The following PCDH9 variants were observed in gnomAD, a reference collection of about 807,000 sequenced individuals.
PCDH9 encodes protocadherin-9.
Under a neutral mutation model 70.6 loss-of-function variants are expected in PCDH9, and 24 were observed. That is an observed-to-expected ratio of 0.34 (90% CI 0.25 to 0.48). The LOEUF (loss-of-function observed/expected upper bound fraction) is 0.48, where lower values mean the gene tolerates loss of function less well. Ranked by LOEUF, PCDH9 falls within the 20% of genes least tolerant of loss-of-function variation. The pLI is 0.99. For synonymous variants in PCDH9, 562 were observed against 558.5 expected, an observed-to-expected ratio of 1.01 and a Z score of -0.09; for missense variants, 1,281 against 1,503.6, an observed-to-expected ratio of 0.85 and a Z score of 2.45.
chr13:66,339,941 C>T (rs544679956), intron 4 of PCDH9, among the ~76,000 whole-genome samples: 2 of 152,244 alleles, frequency 1.3e-5, no homozygotes, highest in East Asian at 3.9e-4. Context: ...AATCCCTCAA[C>T]ACCTCTTAAA....
chr13:66,644,458 G>A (rs1315369860), intron 3 of PCDH9, among the ~76,000 whole-genome samples: 1 of 151,874 alleles, frequency 6.6e-6, no homozygotes, highest in Non-Finnish European at 1.5e-5. Flanking sequence ...AAAAAGATTA[G>A]AAAGAGGAAG....
intron 3 of PCDH9, among the ~76,000 whole-genome samples, chr13:66,711,732 G>A (rs142078483): frequency 1.5e-4 from 23 of 152,054 alleles, no homozygotes; most frequent in African/African-American, 2.4e-4. Context: ...TTTTATCATC[G>A]ATGGTCACAT....
rs142105592 is a variant in PCDH9, at chr13:67,201,612, T to C, written c.3036+23793A>G. On this transcript the variant is annotated intron_variant, in intron 2 of 4. Transcript: ENST00000377865. ...TGGCTATTTAAAATTTTCTAAAATG[T>C]ATCACCTAGTTCTTGAGCCAATTTT... 3.1e-3 allele frequency: 472 copies of C among 152,162 alleles called. 3 individuals are homozygous for C. The highest frequency in any genetic ancestry group is 0.011 in the African/African-American group (449 of 41,560). The allele number at this position is 152,162 out of a possible 1,614,324, so 9.4% of individuals were successfully genotyped here.
At chr13:67,117,569 AG>A (rs1286910414) in intron 2 of PCDH9, among the ~76,000 whole-genome samples, 1 of 152,160 alleles carries the variant, frequency 6.6e-6, no homozygotes, top group Non-Finnish European at 1.5e-5. Flanking sequence ...AAAAGAGTAA[AG>A]TATAAATTTG....
intron 3 of PCDH9, among the ~76,000 whole-genome samples, chr13:66,765,112 C>A (rs1449483789): frequency 6.6e-6 from 1 of 151,540 alleles, no homozygotes; most frequent in Non-Finnish European, 1.5e-5. Context: ...CTTTCTCTCT[C>A]TCTTTTCTCT....
chr13:66,667,655 T>G (rs9571612), intron 3 of PCDH9, among the ~76,000 whole-genome samples: 19,422 of 152,180 alleles, frequency 0.13, 1,312 homozygotes, highest in Middle Eastern at 0.18. Flanking sequence ...ACATAAAAAT[T>G]GGCATATTTG....
chr13:66,785,280 T>C (rs556582698), intron 3 of PCDH9, among the ~76,000 whole-genome samples: 70 of 152,184 alleles, frequency 4.6e-4, no homozygotes, highest in African/African-American at 1.6e-3. Context: ...GTCTGTATTA[T>C]CTATTATGCC....
At chr13:67,067,076 T>C (rs2085662682) in intron 2 of PCDH9, among the ~76,000 whole-genome samples, 1 of 152,142 alleles carries the variant, frequency 6.6e-6, no homozygotes, top group Non-Finnish European at 1.5e-5. Context: ...CTGCGGTTAT[T>C]TGATGCTTTT....
At chr13:66,879,269 G>A (rs1024508636) in intron 3 of PCDH9, among the ~76,000 whole-genome samples, 2 of 152,066 alleles carry the variant, frequency 1.3e-5, no homozygotes, top group Non-Finnish European at 1.5e-5. Flanking sequence ...TACTAGCGGA[G>A]GCATTCTCTA....
intron 3 of PCDH9, among the ~76,000 whole-genome samples, chr13:66,824,739 T>TAC (rs1346192751): frequency 6.9e-6 from 1 of 145,232 alleles, no homozygotes; most frequent in Middle Eastern, 3.2e-3. Context: ...TATATATATA[T>TAC]ACACACACAC....
chr13:66,956,892 TA>T (rs1182468301), intron 2 of PCDH9, among the ~76,000 whole-genome samples: 1 of 152,208 alleles, frequency 6.6e-6, no homozygotes, highest in East Asian at 1.9e-4. Context: ...GAATTATTTT[TA>T]ATTTGGGCTG....
chr13:66,857,703 G>A (rs989126505), intron 3 of PCDH9, among the ~76,000 whole-genome samples: 24 of 151,728 alleles, frequency 1.6e-4, no homozygotes, highest in Non-Finnish European at 3.2e-4. Context: ...ATCCCATTCC[G>A]ACTAAATGAG....
At chr13:66,361,147 C>T (rs142680268) in intron 4 of PCDH9, among the ~76,000 whole-genome samples, 4 of 152,198 alleles carry the variant, frequency 2.6e-5, no homozygotes, top group Admixed American at 6.6e-5. Context: ...ATCTATTAAA[C>T]GGACTGGATC....
At chr13:66,946,941 CA>C (rs1365507420) in intron 2 of PCDH9, among the ~76,000 whole-genome samples, 1 of 152,038 alleles carries the variant, frequency 6.6e-6, no homozygotes, top group Non-Finnish European at 1.5e-5. Flanking sequence ...TCTTCCTTAA[CA>C]AAAATGGGCT....
intron 2 of PCDH9, among the ~76,000 whole-genome samples, chr13:66,979,588 T>C (rs986627210): frequency 1.3e-5 from 2 of 152,154 alleles, no homozygotes; most frequent in Non-Finnish European, 2.9e-5. Flanking sequence ...AAATATTCTA[T>C]AGTGACTCTC....
chr13:66,361,447 A>G (rs1956469189), intron 4 of PCDH9, among the ~76,000 whole-genome samples: 1 of 152,186 alleles, frequency 6.6e-6, no homozygotes, highest in Non-Finnish European at 1.5e-5. Flanking sequence ...ATCCGGTAAT[A>G]GAAGAAAATG....
chr13:67,153,505 T>C (rs977062841), intron 2 of PCDH9, among the ~76,000 whole-genome samples: 9 of 152,188 alleles, frequency 5.9e-5, no homozygotes, highest in Non-Finnish European at 1.2e-4. Flanking sequence ...ATAGCACTTT[T>C]CACAATACAC....
chr13:67,056,646 T>A (rs1042583422), intron 2 of PCDH9, among the ~76,000 whole-genome samples: 5 of 152,188 alleles, frequency 3.3e-5, no homozygotes, highest in Non-Finnish European at 7.4e-5. Context: ...CCTTGACTGA[T>A]TAACCTCTCA....
chr13:66,785,498 A>G (rs1327613024), intron 3 of PCDH9, among the ~76,000 whole-genome samples: 3 of 151,908 alleles, frequency 2.0e-5, no homozygotes, highest in African/African-American at 7.2e-5. Context: ...CTTATTTTTA[A>G]TGTAAGAGAA....
Sources: gnomAD v4.1 joint callset for allele counts (sites outside exome capture counted in the v4.1 genomes callset) on GRCh38, gnomAD v4.1.1 for gene constraint, MANE v1.5 for transcripts, NCBI Gene and HGNC (gene_info 2026-07-23, HGNC 2026-07-21) for gene names.